SH3KBP1: variants seen among roughly 807,000 people sequenced by gnomAD.
SH3KBP1 encodes SH3 domain-containing kinase-binding protein 1.
In SH3KBP1, 8 loss-of-function variants were observed where a neutral mutation model predicts 50.1. The ratio of observed to expected loss-of-function variants is 0.16; its 90% CI spans 0.09 to 0.29. The LOEUF is 0.29. Ranked by LOEUF, SH3KBP1 falls within the 10% of genes least tolerant of loss-of-function variation. SH3KBP1 has a pLI of 1.00. For missense variants in SH3KBP1, 377 were observed against 535.2 expected, an observed-to-expected ratio of 0.70 and a Z score of 2.92; for synonymous variants, 227 against 218.6, an observed-to-expected ratio of 1.04 and a Z score of -0.34.
intron 3 of SH3KBP1, among the ~76,000 whole-genome samples, chrX:19,716,161 C>A (rs1413392350): frequency 3.6e-5 from 4 of 112,041 alleles, no homozygotes; most frequent in Admixed American, 9.4e-5. Flanking sequence ...TCTTGCAGAA[C>A]CCCTGCATCA....
chrX:19,670,036 A>G (rs1447577261), intron 6 of SH3KBP1, among the ~76,000 whole-genome samples: 6 of 110,773 alleles, frequency 5.4e-5, no homozygotes, highest in African/African-American at 2.0e-4. Flanking sequence ...CATATGACAC[A>G]CTGTAAGCCT....
chrX:19,606,517 G>C (rs752860918), intron 9 of SH3KBP1, among the ~76,000 whole-genome samples: 35 of 112,496 alleles, frequency 3.1e-4, no homozygotes, highest in Non-Finnish European at 6.0e-4. Context: ...AAGTGATTTT[G>C]CTTGGTGGAA....
chrX:19,739,729 T>A lies in SH3KBP1; in HGVS notation c.286+6589A>T, dbSNP rs185339638. 5.3e-3 allele frequency among the ~76,000 whole-genome samples: 585 copies of A among 110,411 alleles called. 1 individual carries two copies. The highest frequency in any genetic ancestry group is 0.018 in the Middle Eastern group (4 of 218). On this transcript the variant is annotated intron_variant, in intron 3 of 17. Transcript: ENST00000397821. ...CATAAGTAATGTGAGAAGCCGTGGG[T>A]CTGGGATGGAACTGCACAAATAGTG...
chrX:19,769,553 A>G (rs914192475), intron 2 of SH3KBP1, among the ~76,000 whole-genome samples: 3 of 111,367 alleles, frequency 2.7e-5, no homozygotes, highest in Non-Finnish European at 5.6e-5. Flanking sequence ...ATGATATAAC[A>G]TACTCAAAAT....
At chrX:19,852,680 C>T (rs912341924) in intron 1 of SH3KBP1, among the ~76,000 whole-genome samples, 2 of 103,739 alleles carry the variant, frequency 1.9e-5, no homozygotes, top group Non-Finnish European at 3.9e-5. Flanking sequence ...CCCAATTGCA[C>T]ACATGAATAT....
intron 5 of SH3KBP1, among the ~76,000 whole-genome samples, chrX:19,689,285 A>G (rs912711200): frequency 8.9e-6 from 1 of 112,154 alleles, no homozygotes; most frequent in Admixed American, 9.5e-5. Context: ...GCTTAACTTC[A>G]GTCATTAAGT....
chrX:19,627,422 A>G (rs1275593781), intron 8 of SH3KBP1, among the ~76,000 whole-genome samples: 1 of 111,948 alleles, frequency 8.9e-6, no homozygotes, highest in Admixed American at 9.4e-5. Flanking sequence ...TTTCAAACAC[A>G]CTCTGAGCAC....
chrX:19,779,907 T>C (rs866808040), intron 2 of SH3KBP1, among the ~76,000 whole-genome samples: 29 of 107,263 alleles, frequency 2.7e-4, no homozygotes, highest in Middle Eastern at 9.4e-3. Flanking sequence ...TGTGTCTTTA[T>C]AGCAGCATGA....
intron 3 of SH3KBP1, among the ~76,000 whole-genome samples, chrX:19,710,303 T>C (rs2063745170): frequency 8.9e-6 from 1 of 112,271 alleles, no homozygotes; most frequent in African/African-American, 3.2e-5. Context: ...CCTGAGTCAC[T>C]GACACTGTCT....
chrX:19,833,804 T>C (rs758370106), intron 2 of SH3KBP1, among the ~76,000 whole-genome samples: 36 of 111,872 alleles, frequency 3.2e-4, no homozygotes, highest in African/African-American at 1.1e-3. Context: ...GCCCCTTTTA[T>C]CTGGAAAAAC....
At chrX:19,682,333 T>C (rs867805322) in intron 6 of SH3KBP1, among the ~76,000 whole-genome samples, 5 of 75,905 alleles carry the variant, frequency 6.6e-5, no homozygotes, top group Admixed American at 1.5e-4. Flanking sequence ...ATAAGAGTCA[T>C]ACACACACAC....
chrX:19,595,906 G>T (rs1368260060), intron 9 of SH3KBP1, among the ~76,000 whole-genome samples: 1 of 111,888 alleles, frequency 8.9e-6, no homozygotes, highest in Non-Finnish European at 1.9e-5. Context: ...TTTCTGTATT[G>T]TCTCTATGAG....
chrX:19,793,125 C>T (rs1481406657), intron 2 of SH3KBP1, among the ~76,000 whole-genome samples: 1 of 108,119 alleles, frequency 9.2e-6, no homozygotes, highest in African/African-American at 3.4e-5. Flanking sequence ...AGTGGGACCC[C>T]ATCTCTTAAA....
At chrX:19,744,269 A>G (rs975946827) in intron 3 of SH3KBP1, among the ~76,000 whole-genome samples, 12 of 112,355 alleles carry the variant, frequency 1.1e-4, no homozygotes, top group African/African-American at 3.9e-4. Flanking sequence ...TTAAGGGGGG[A>G]AAAAAGTGTT....
chrX:19,719,937 C>T (rs1322677056), intron 3 of SH3KBP1, among the ~76,000 whole-genome samples: 1 of 108,757 alleles, frequency 9.2e-6, no homozygotes, highest in East Asian at 2.9e-4. Context: ...AGACAAACGG[C>T]CCAACTCACC....
At chrX:19,747,294 A>G (rs1265412205) in intron 2 of SH3KBP1, among the ~76,000 whole-genome samples, 2 of 112,385 alleles carry the variant, frequency 1.8e-5, no homozygotes, top group Non-Finnish European at 3.8e-5. Flanking sequence ...GCATTATTAG[A>G]CCAAGATAAT....
chrX:19,739,789 T>A lies in SH3KBP1; in HGVS notation c.286+6529A>T, dbSNP rs929526580. Reference sequence around the variant, plus strand: ...TCAGAGGAATCAAAGGCATCCTCCATCAAGATTCTCCCAAGGAGAAGGAAA... The same window carrying A: ...TCAGAGGAATCAAAGGCATCCTCCAACAAGATTCTCCCAAGGAGAAGGAAA... On this transcript the variant is annotated intron_variant, in intron 3 of 17. Transcript: ENST00000397821. Among the ~76,000 whole-genome samples the A allele has an allele frequency of 2.7e-5, 3 of 110,636 alleles. No individual in the cohort carries two copies. The Admixed American group carries it at 2.9e-4, about 11-fold the overall frequency.
Position 19,731,860 on chromosome X carries a change from G to A in SH3KBP1, c.286+14458C>T, listed in dbSNP as rs753023121. Among the ~76,000 whole-genome samples, 26 of 111,235 alleles carry A rather than the reference G, an allele frequency of 2.3e-4. No homozygotes were observed. In the South Asian group the frequency reaches 9.3e-3, roughly 40 times the overall value. The stretch of plus-strand genomic sequence containing the variant: ...AAACCTAAACATGCACAACACTTGC[G>A]GAAGAATAAAAATGCATTAATAGAA... On this transcript the variant is annotated intron_variant, in intron 3 of 17. Transcript: ENST00000397821.
At chrX:19,632,142 A>G (rs1005049176) in intron 7 of SH3KBP1, among the ~76,000 whole-genome samples, 184 bp from the exon 8 acceptor site, 11 of 111,588 alleles carry the variant, frequency 9.9e-5, no homozygotes, top group African/African-American at 3.3e-4. Context: ...TGGCTCATGT[A>G]TATTTATTGG....
Sources: allele counts gnomAD v4.1 joint callset (sites outside exome capture counted in the v4.1 genomes callset), GRCh38; gene constraint gnomAD v4.1.1; transcripts MANE v1.5; gene names NCBI Gene and HGNC (gene_info 2026-07-23, HGNC 2026-07-21).